The following THSD7A variants were observed in gnomAD, a reference collection of about 807,000 sequenced individuals.
The protein encoded by THSD7A is thrombospondin type 1 domain containing 7A, also known as thrombospondin type-1 domain-containing protein 7A.
A neutral mutation model predicts 231.3 loss-of-function variants in THSD7A; 96 were observed. The observed-to-expected ratio is 0.41, with a 90% CI of 0.35 to 0.49. The LOEUF is 0.49. Ranked by LOEUF, THSD7A falls within the 20% of genes least tolerant of loss-of-function variation. The pLI, the probability that THSD7A is intolerant of heterozygous loss-of-function variation, is 0.05. For missense variants in THSD7A, 2,290 were observed against 2,070.2 expected (o/e 1.11, Z -2.06); for synonymous variants, 940 against 743.3 (o/e 1.26, Z -4.30).
chr7:11,724,025 G>A (rs1007715522), intron 1 of THSD7A, among the ~76,000 whole-genome samples: 7 of 151,838 alleles, frequency 4.6e-5, no homozygotes, highest in South Asian at 2.1e-4. Context: ...TTGCAACAAC[G>A]CAGGCAAGAA....
At chr7:11,393,713 A>T (rs1049854179) in intron 23 of THSD7A, among the ~76,000 whole-genome samples, 2 of 152,270 alleles carry the variant, frequency 1.3e-5, no homozygotes, top group African/African-American at 4.8e-5. Flanking sequence ...AAATTTCGTG[A>T]AGCATACACA....
At chr7:11,558,050 G>T (rs547365022) in intron 4 of THSD7A, among the ~76,000 whole-genome samples, 1 of 152,248 alleles carries the variant, frequency 6.6e-6, no homozygotes, top group Admixed American at 6.5e-5. Flanking sequence ...AGAAAGAGCA[G>T]GAATTTGTTA....
At chr7:11,773,094 G>A (rs1213321099) in intron 1 of THSD7A, among the ~76,000 whole-genome samples, 1 of 151,954 alleles carries the variant, frequency 6.6e-6, no homozygotes, top group South Asian at 2.1e-4. Context: ...TATAATAAAG[G>A]CCCCATCATA....
intron 9 of THSD7A, among the ~76,000 whole-genome samples, chr7:11,468,990 C>A (rs1036303764): frequency 1.3e-5 from 2 of 151,790 alleles, no homozygotes; most frequent in Non-Finnish European, 2.9e-5. Flanking sequence ...TAAAAGTATC[C>A]ATTATTAAAT....
At chr7:11,742,653 A>G (rs1366049189) in intron 1 of THSD7A, among the ~76,000 whole-genome samples, 1 of 151,934 alleles carries the variant, frequency 6.6e-6, no homozygotes, top group Non-Finnish European at 1.5e-5. Flanking sequence ...ACCTTTGTGC[A>G]TGTCACTTGC....
rs1036353743 is a variant in THSD7A, at chr7:11,372,627, T to C, written c.*3167A>G. 5 of 152,098 alleles carry C rather than the reference T, an allele frequency of 3.3e-5. No individual in the cohort carries two copies. Among genetic ancestry groups the C allele is most frequent in the African/African-American group, 1.2e-4 (5 of 41,436 alleles). The allele number at this position is 152,098 out of a possible 1,614,324, so 9.4% of individuals were successfully genotyped here. On this transcript the variant is annotated 3_prime_UTR_variant, in exon 28 of 28. Transcript: ENST00000423059. ...AGTGAAATAGTCCAGCAAAATCATA[T>C]AATACTGTGTCAAACTTTTTCTGCT... is the stretch of plus-strand genomic sequence containing the variant.
intron 1 of THSD7A, among the ~76,000 whole-genome samples, chr7:11,685,217 AT>A (rs909873029): frequency 5.3e-5 from 8 of 152,100 alleles, no homozygotes; most frequent in African/African-American, 1.7e-4. Flanking sequence ...ATATACAAAA[AT>A]TAATTTAAGA....
intron 1 of THSD7A, among the ~76,000 whole-genome samples, chr7:11,647,382 T>C (rs1418222242): frequency 6.6e-6 from 1 of 152,024 alleles, no homozygotes; most frequent in African/African-American, 2.4e-5. Context: ...ATGTCTTGGC[T>C]CTTATGGCAC....
chr7:11,443,018 G>GTTCT (rs1784853315), intron 13 of THSD7A, among the ~76,000 whole-genome samples: 1 of 151,970 alleles, frequency 6.6e-6, no homozygotes, highest in Non-Finnish European at 1.5e-5. Flanking sequence ...AATTATTTTT[G>GTTCT]TTCTTTTACT....
At position 11,412,679 on chromosome 7, in the gene THSD7A, T is replaced by C. The variant is rs775349790; in HGVS notation, c.3659A>G (p.Tyr1220Cys). ...ACCTGTTACATTATAATCATAGTGG[T>C]AGCAGTTTTTGTTCAGGTTACAGGG... ...KEPCNLNKNC[Y>C]HYDYNVTDWS... The change falls in exon 18 of 28, where the codon TAC becomes TGC. Residue 1220 changes from tyrosine (Y) to cysteine (C), a missense_variant. Tyr to Cys is a radical substitution (Grantham distance 194). Transcript: ENST00000423059. The C allele has an allele frequency of 1.9e-6, 3 of 1,613,830 alleles. No individual in the cohort carries two copies. In the South Asian group the frequency reaches 3.3e-5, roughly 18 times the overall value.
At chr7:11,442,576 G>A (rs189326985) in intron 13 of THSD7A, among the ~76,000 whole-genome samples, 158 of 152,150 alleles carry the variant, frequency 1.0e-3, no homozygotes, top group African/African-American at 3.7e-3. Flanking sequence ...AAAGAAAGAA[G>A]TTGTCATAGA....
At chr7:11,600,780 A>C (rs1012843253) in intron 2 of THSD7A, among the ~76,000 whole-genome samples, 1 of 152,238 alleles carries the variant, frequency 6.6e-6, no homozygotes, top group African/African-American at 2.4e-5. Flanking sequence ...ATTTTAATGC[A>C]ACAACTCATG....
At chr7:11,731,099 T>A (rs1781717585) in intron 1 of THSD7A, among the ~76,000 whole-genome samples, 1 of 151,682 alleles carries the variant, frequency 6.6e-6, no homozygotes, top group Non-Finnish European at 1.5e-5. Flanking sequence ...CTTTTCAATA[T>A]ACTGAACTTA....
chr7:11,418,464 C>T (rs1323190296), intron 16 of THSD7A, among the ~76,000 whole-genome samples: 1 of 152,150 alleles, frequency 6.6e-6, no homozygotes, highest in African/African-American at 2.4e-5. Context: ...ACCTTTATCT[C>T]TCATGTGTAA....
At chr7:11,556,444 C>G (rs968086584) in intron 4 of THSD7A, among the ~76,000 whole-genome samples, 11 of 151,636 alleles carry the variant, frequency 7.3e-5, no homozygotes, top group Admixed American at 4.6e-4. Flanking sequence ...ATATCGTCTA[C>G]GTATTTTTAG....
chr7:11,391,790 A>G (rs1328009017), intron 23 of THSD7A, among the ~76,000 whole-genome samples: 5 of 152,094 alleles, frequency 3.3e-5, no homozygotes, highest in Admixed American at 6.5e-5. Flanking sequence ...AAAGACTGCG[A>G]TGTATCTGGG....
intron 11 of THSD7A, among the ~76,000 whole-genome samples, chr7:11,450,719 A>G (rs1262669420): frequency 6.6e-6 from 1 of 152,064 alleles, no homozygotes; most frequent in Non-Finnish European, 1.5e-5. Flanking sequence ...TTAGCACACC[A>G]GAAAACTACA....
chr7:11,646,957 C>CTA (rs1192826416), intron 1 of THSD7A, among the ~76,000 whole-genome samples: 1 of 152,004 alleles, frequency 6.6e-6, no homozygotes, highest in East Asian at 1.9e-4. Flanking sequence ...TTGTCCACTG[C>CTA]TATAGGTGCC....
intron 1 of THSD7A, among the ~76,000 whole-genome samples, chr7:11,659,641 T>C (rs1395184131): frequency 6.6e-6 from 1 of 151,508 alleles, no homozygotes; most frequent in Non-Finnish European, 1.5e-5. Context: ...GGTGGGTACA[T>C]TCTTGTTATT....
Sources: allele counts gnomAD v4.1 joint callset (sites outside exome capture counted in the v4.1 genomes callset), GRCh38; gene constraint gnomAD v4.1.1; transcripts MANE v1.5; gene names NCBI Gene and HGNC (gene_info 2026-07-23, HGNC 2026-07-21).